Variants in HCN1 observed in about 807,000 individuals in gnomAD.
HCN1 encodes hyperpolarization activated cyclic nucleotide gated potassium channel 1.
In HCN1, 13 loss-of-function variants were observed where a neutral mutation model predicts 78.9. The ratio of observed to expected loss-of-function variants is 0.16; its 90% CI spans 0.11 to 0.26. The LOEUF is 0.26. Ranked by LOEUF, HCN1 falls within the 10% of genes least tolerant of loss-of-function variation. The pLI is 1.00. For synonymous variants in HCN1, 552 were observed against 455.5 expected, an observed-to-expected ratio of 1.21 and a Z score of -2.70; for missense variants, 810 against 1,154.3, an observed-to-expected ratio of 0.70 and a Z score of 4.32.
intron 6 of HCN1, among the ~76,000 whole-genome samples, chr5:45,289,686 A>G (rs1370140045): frequency 6.6e-6 from 1 of 152,078 alleles, no homozygotes; most frequent in Non-Finnish European, 1.5e-5. Flanking sequence ...CAGGCACAGA[A>G]AAAGAAATGA....
intron 5 of HCN1, among the ~76,000 whole-genome samples, chr5:45,339,275 C>CA (rs1554019008): frequency 1.3e-5 from 2 of 152,020 alleles, no homozygotes; most frequent in Non-Finnish European, 2.9e-5. Context: ...AATAAACTAA[C>CA]AAATGATAAA....
At chr5:45,287,857 T>G (rs1745299136) in intron 6 of HCN1, among the ~76,000 whole-genome samples, 1 of 152,118 alleles carries the variant, frequency 6.6e-6, no homozygotes, top group African/African-American at 2.4e-5. Context: ...TACTGTCTTT[T>G]ACACGCATCT....
At chr5:45,547,228 G>A (rs1224909214) in intron 2 of HCN1, among the ~76,000 whole-genome samples, 1 of 151,806 alleles carries the variant, frequency 6.6e-6, no homozygotes, top group Non-Finnish European at 1.5e-5. Context: ...TTGACTATAT[G>A]AAAGAAGTAA....
At chr5:45,425,804 G>A (rs958208177) in intron 3 of HCN1, among the ~76,000 whole-genome samples, 1 of 152,114 alleles carries the variant, frequency 6.6e-6, no homozygotes, top group African/African-American at 2.4e-5. Flanking sequence ...AGTGTGATAC[G>A]GAATCAAGTC....
intron 1 of HCN1, among the ~76,000 whole-genome samples, chr5:45,684,548 A>G (rs1739765662): frequency 6.6e-6 from 1 of 152,166 alleles, no homozygotes; most frequent in Admixed American, 6.5e-5. Flanking sequence ...AATAAGGAAC[A>G]GTTGTTCTCC....
Position 45,562,567 on chromosome 5 carries a change from CAGAA to C in HCN1, c.849+82614_849+82617del, listed in dbSNP as rs200778435. Among the ~76,000 whole-genome samples, 780 of 152,066 alleles carry C rather than the reference CAGAA, an allele frequency of 5.1e-3. 5 individuals are homozygous for C. The highest frequency in any genetic ancestry group is 0.018 in the African/African-American group (743 of 41,442). On this transcript the variant is annotated intron_variant, in intron 2 of 7. Transcript: ENST00000303230. Reference sequence around the variant, plus strand: ...AATTTTATACACAAATAGGCACACACAGAAAGACACATATACAAACACCAATATG... The same window carrying C: ...AATTTTATACACAAATAGGCACACACAGACACATATACAAACACCAATATG...
chr5:45,517,941 TTGCTA>T (rs1158760213), intron 2 of HCN1, among the ~76,000 whole-genome samples: 2 of 152,062 alleles, frequency 1.3e-5, no homozygotes, highest in Non-Finnish European at 2.9e-5. Context: ...TATAAGTTAC[TTGCTA>T]TATGTAGTCC....
At chr5:45,367,197 G>C (rs1747255061) in intron 4 of HCN1, among the ~76,000 whole-genome samples, 2 of 151,676 alleles carry the variant, frequency 1.3e-5, no homozygotes, top group African/African-American at 4.8e-5. Flanking sequence ...TCTTATTTAA[G>C]TAAAATCCAT....
At chr5:45,478,940 G>T (rs556591149) in intron 2 of HCN1, among the ~76,000 whole-genome samples, 2 of 152,126 alleles carry the variant, frequency 1.3e-5, no homozygotes, top group African/African-American at 4.8e-5. Flanking sequence ...TGGCCAACAT[G>T]GTTAAACCCG....
chr5:45,530,784 G>A (rs1326555318), intron 2 of HCN1, among the ~76,000 whole-genome samples: 2 of 152,032 alleles, frequency 1.3e-5, no homozygotes, highest in Non-Finnish European at 2.9e-5. Context: ...TGTGTGGTAG[G>A]TTCTATTATT....
intron 4 of HCN1, among the ~76,000 whole-genome samples, chr5:45,369,687 CAT>C (rs376904179): frequency 7.2e-5 from 11 of 152,152 alleles, no homozygotes; most frequent in African/African-American, 2.4e-4. Flanking sequence ...AAAAATTGAA[CAT>C]TTGACAAGTG....
At chr5:45,525,734 T>C (rs977735803) in intron 2 of HCN1, among the ~76,000 whole-genome samples, 6 of 152,014 alleles carry the variant, frequency 3.9e-5, no homozygotes, top group African/African-American at 1.4e-4. Context: ...CTACATACAG[T>C]AGAATTTAAG....
intron 2 of HCN1, among the ~76,000 whole-genome samples, chr5:45,624,885 A>G (rs1745132572): frequency 6.6e-6 from 1 of 152,128 alleles, no homozygotes; most frequent in South Asian, 2.1e-4. Context: ...CTCTAGGGGA[A>G]GGCAAGGCCT....
chr5:45,348,267 A>C (rs1200105897), intron 5 of HCN1, among the ~76,000 whole-genome samples: 1 of 152,204 alleles, frequency 6.6e-6, no homozygotes, highest in African/African-American at 2.4e-5. Context: ...AGCCAAGCTA[A>C]GCTTCATAAG....
intron 1 of HCN1, among the ~76,000 whole-genome samples, chr5:45,657,157 T>C (rs1580024539): frequency 6.6e-6 from 1 of 152,286 alleles, no homozygotes; most frequent in East Asian, 1.9e-4. Flanking sequence ...AGACTGAGTT[T>C]CTTTAATTTT....
chr5:45,591,092 C>T (rs1744350080), intron 2 of HCN1, among the ~76,000 whole-genome samples: 1 of 152,046 alleles, frequency 6.6e-6, no homozygotes, highest in African/African-American at 2.4e-5. Flanking sequence ...GCATGATTCA[C>T]TGTGTTTGGC....
intron 7 of HCN1, among the ~76,000 whole-genome samples, chr5:45,264,807 A>G (rs927560562): frequency 2.0e-5 from 3 of 152,236 alleles, no homozygotes; most frequent in Non-Finnish European, 4.4e-5. Flanking sequence ...TTACTATGTT[A>G]TAAAGATCAA....
chr5:45,314,031 G>A (rs201683690), intron 5 of HCN1, among the ~76,000 whole-genome samples: 29 of 150,758 alleles, frequency 1.9e-4, no homozygotes, highest in East Asian at 2.0e-4. Flanking sequence ...ACAAAGATAC[G>A]AGAAGAGCAA....
intron 2 of HCN1, among the ~76,000 whole-genome samples, chr5:45,494,853 G>C (rs924183388): frequency 1.3e-5 from 2 of 152,132 alleles, no homozygotes; most frequent in African/African-American, 4.8e-5. Context: ...TTATTAAATA[G>C]GGAATTCTTT....
Sources: allele counts gnomAD v4.1 joint callset (sites outside exome capture counted in the v4.1 genomes callset), GRCh38; gene constraint gnomAD v4.1.1; transcripts MANE v1.5; gene names NCBI Gene and HGNC (gene_info 2026-07-23, HGNC 2026-07-21).